STYX: variants seen among roughly 807,000 people sequenced by gnomAD.
STYX encodes serine/threonine/tyrosine-interacting protein.
Under a neutral mutation model 42.7 loss-of-function variants are expected in STYX, and 20 were observed. That is an observed-to-expected ratio of 0.47 (90% CI 0.33 to 0.68). STYX has a LOEUF of 0.68. Among genes scored for constraint, STYX ranks in the 30% least tolerant of loss-of-function variants. The pLI is 0.02. For synonymous variants in STYX, 78 were observed against 81.9 expected (o/e 0.95, Z 0.26); for missense variants, 226 against 268.5 (o/e 0.84, Z 1.11).
At chr14:52,750,657 C>A in intron 3 of STYX, 26 bp from the exon 4 acceptor site, 1 of 1,377,098 alleles carries the variant, frequency 7.3e-7, no homozygotes, top group Non-Finnish European at 1.0e-6. Flanking sequence ...CTTCCCTGTC[C>A]TCCCCCTGCT....
chr14:52,750,665 G>A lies in STYX; in HGVS notation c.145-18G>A. The A allele has an allele frequency of 1.4e-6, 2 of 1,418,248 alleles. No homozygotes were observed. The highest frequency in any genetic ancestry group is 9.7e-7 in the Non-Finnish European group (1 of 1,035,874). 87.9% of individuals were successfully genotyped at this position (1,418,248 alleles called of 1,614,324 possible). A position where few individuals can be genotyped will look rare whatever the true frequency, so the allele number is the denominator to read the frequency against. On this transcript the variant is annotated intron_variant, in intron 3 of 10. Transcript: ENST00000354586. ...TATTTATCTTCCCTGTCCTCCCCCT[G>A]CTTTTTTTTTTATACAGCTACCTGT... is the stretch of plus-strand genomic sequence containing the variant.
At chr14:52,756,717 T>C (rs1166818547) in intron 5 of STYX, 106 bp downstream of exon 5, 2 of 520,218 alleles carry the variant, frequency 3.8e-6, no homozygotes, top group Non-Finnish European at 6.3e-6. Context: ...ACAAGAGTTT[T>C]ACTCTTGTTG....
intron 9 of STYX, 63 bp from the exon 10 acceptor site, chr14:52,768,777 A>G: frequency 8.8e-7 from 1 of 1,141,832 alleles, no homozygotes; most frequent in East Asian, 2.6e-5. Context: ...TACATTAATC[A>G]CTATTTTGGG....
chr14:52,753,446 A>G (rs1045562933), intron 4 of STYX, among the ~76,000 whole-genome samples: 1 of 151,968 alleles, frequency 6.6e-6, no homozygotes, highest in Non-Finnish European at 1.5e-5. Flanking sequence ...CGGCCTCCCA[A>G]AGCACTGGGA....
At chr14:52,731,954 T>C (rs1161825699) in intron 1 of STYX, among the ~76,000 whole-genome samples, 2 of 151,356 alleles carry the variant, frequency 1.3e-5, no homozygotes, top group Non-Finnish European at 1.5e-5. Context: ...TTTTTCTTTT[T>C]TTTTTTTTTT....
chr14:52,759,840 A>C (rs1015517325), intron 9 of STYX, 86 bp downstream of exon 9: 31 of 814,650 alleles, frequency 3.8e-5, no homozygotes, highest in Middle Eastern at 5.6e-4. Context: ...TTACTTTGTG[A>C]ATACTTAAAA....
At chr14:52,751,520 C>T (rs1881610364) in intron 4 of STYX, among the ~76,000 whole-genome samples, 1 of 151,946 alleles carries the variant, frequency 6.6e-6, no homozygotes, top group South Asian at 2.1e-4. Context: ...TGCGTTGTAT[C>T]AGTGTACATT....
intron 10 of STYX, 63 bp downstream of exon 10, chr14:52,768,996 C>A (rs1048709242): frequency 1.8e-5 from 22 of 1,216,436 alleles, no homozygotes; most frequent in Non-Finnish European, 2.5e-5. Context: ...GGAGAACTTG[C>A]TACAAGTTAC....
intron 9 of STYX, among the ~76,000 whole-genome samples, chr14:52,767,550 T>C (rs917473347): frequency 3.3e-5 from 5 of 152,170 alleles, no homozygotes; most frequent in African/African-American, 4.8e-5. Context: ...TCTTGATTAT[T>C]GGTCATCTTT....
rs1348226256 is a variant in STYX at position 52,730,290 on chromosome 14, T to TCGC, written c.-175_-173dup. On this transcript the variant is annotated 5_prime_UTR_variant, in exon 1 of 11. Transcript: ENST00000354586. ...CGCCCGACCCTCCTCTTCCCTGTCT[T>TCGC]CGCCGCCGCCGCTGCTGGAGTCACT... 3.4e-5 allele frequency: 21 copies of TCGC among 615,690 alleles called. No homozygotes were observed. The highest frequency in any genetic ancestry group is 5.2e-5 in the Non-Finnish European group (18 of 346,776). The allele number at this position is 615,690 out of a possible 1,614,324, so 38.1% of individuals were successfully genotyped here.
At chr14:52,764,557 GCTTT>G (rs1566680192) in intron 9 of STYX, among the ~76,000 whole-genome samples, 1 of 150,124 alleles carries the variant, frequency 6.7e-6, no homozygotes, top group African/African-American at 2.5e-5. Flanking sequence ...TTCATATTAT[GCTTT>G]CTGTTTTAAA....
chr14:52,750,338 A>G (rs921604180), intron 3 of STYX, among the ~76,000 whole-genome samples: 8 of 152,202 alleles, frequency 5.3e-5, no homozygotes, highest in African/African-American at 1.9e-4. Flanking sequence ...TCTCTAAACA[A>G]TAAAGATTGC....
chr14:52,742,744 A>G (rs755889493), intron 1 of STYX, among the ~76,000 whole-genome samples: 1 of 151,786 alleles, frequency 6.6e-6, no homozygotes, highest in African/African-American at 2.4e-5. Context: ...GGACTTCCTT[A>G]TGCTGGCTCA....
chr14:52,740,431 G>A (rs142579500), intron 1 of STYX, among the ~76,000 whole-genome samples: 57 of 152,152 alleles, frequency 3.7e-4, no homozygotes, highest in African/African-American at 1.2e-3. Flanking sequence ...TATGTTTGCC[G>A]TAAAGTTCAT....
At chr14:52,731,433 CTTTT>C (rs34855760) in intron 1 of STYX, among the ~76,000 whole-genome samples, 3 of 105,628 alleles carry the variant, frequency 2.8e-5, no homozygotes, top group African/African-American at 7.5e-5. Flanking sequence ...TGGAGGTTCA[CTTTT>C]TTTTTTTTTT....
At chr14:52,736,986 G>A (rs1004967442) in intron 1 of STYX, among the ~76,000 whole-genome samples, 7 of 152,304 alleles carry the variant, frequency 4.6e-5, no homozygotes, top group Admixed American at 2.6e-4. Flanking sequence ...GAGAGAAAGT[G>A]CAATACTAAC....
chr14:52,755,392 G>A (rs1881823495), intron 4 of STYX, among the ~76,000 whole-genome samples: 1 of 151,982 alleles, frequency 6.6e-6, no homozygotes, highest in South Asian at 2.1e-4. Flanking sequence ...CCAAGTGCTG[G>A]GATTACAAGC....
intron 9 of STYX, among the ~76,000 whole-genome samples, chr14:52,761,958 T>C (rs1594880254): frequency 6.6e-6 from 1 of 151,586 alleles, no homozygotes; most frequent in Admixed American, 6.6e-5. Flanking sequence ...GGCAGGAGAA[T>C]TGCTTGAACT....
At chr14:52,753,047 A>ATTTT (rs959737468) in intron 4 of STYX, among the ~76,000 whole-genome samples, 3 of 88,670 alleles carry the variant, frequency 3.4e-5, no homozygotes, top group East Asian at 3.0e-4. Context: ...CACCCAGCTA[A>ATTTT]TTTTTTTTTT....
Sources: allele counts gnomAD v4.1 joint callset (sites outside exome capture counted in the v4.1 genomes callset), GRCh38; gene constraint gnomAD v4.1.1; transcripts MANE v1.5; gene names NCBI Gene and HGNC (gene_info 2026-07-23, HGNC 2026-07-21).